The following CDKAL1 variants were observed in gnomAD, a reference collection of about 807,000 sequenced individuals.
The protein encoded by CDKAL1 is CDKAL1 threonylcarbamoyladenosine tRNA methylthiotransferase, also known as threonylcarbamoyladenosine tRNA methylthiotransferase.
CDKAL1 carries 32 observed loss-of-function variants against 68.2 expected under a neutral mutation model. The observed-to-expected ratio is 0.47, with a 90% CI of 0.35 to 0.63. The LOEUF (loss-of-function observed/expected upper bound fraction) is 0.63, where lower values mean the gene tolerates loss of function less well. Ranked by LOEUF, CDKAL1 falls within the 30% of genes least tolerant of loss-of-function variation. CDKAL1 has a pLI of 0.00. For missense variants in CDKAL1, 606 were observed against 696.7 expected, an observed-to-expected ratio of 0.87 and a Z score of 1.47; for synonymous variants, 234 against 244.3, an observed-to-expected ratio of 0.96 and a Z score of 0.39.
At chr6:20,762,737 C>T (rs796106999) in intron 7 of CDKAL1, among the ~76,000 whole-genome samples, 19 of 152,274 alleles carry the variant, frequency 1.2e-4, no homozygotes, top group African/African-American at 4.3e-4. Flanking sequence ...TTACCTCTTA[C>T]TTCCTCCTTA....
rs146507555 is a variant in CDKAL1, at chr6:21,157,534, A to G, written c.1300-40487A>G. Among the ~76,000 whole-genome samples the G allele has an allele frequency of 2.0e-3, 302 of 152,344 alleles. 2 individuals carry two copies. Among genetic ancestry groups the G allele is most frequent in the African/African-American group, 6.9e-3 (288 of 41,566 alleles). ...ATTACAAAGCCATATGCTTGTGTTG[A>G]TATCTTGTTTATTTGTTTTTGTAGT... On this transcript the variant is annotated intron_variant, in intron 13 of 15. Transcript: ENST00000274695.
At chr6:20,574,203 T>C (rs918849717) in intron 4 of CDKAL1, among the ~76,000 whole-genome samples, 2 of 152,172 alleles carry the variant, frequency 1.3e-5, no homozygotes, top group Admixed American at 6.6e-5. Context: ...GTCAGAGACT[T>C]TGCAAATGAT....
chr6:21,062,438 A>G (rs1289190223), intron 11 of CDKAL1, among the ~76,000 whole-genome samples: 1 of 152,224 alleles, frequency 6.6e-6, no homozygotes, highest in Non-Finnish European at 1.5e-5. Flanking sequence ...TATAGCTTAC[A>G]TGTAAAATCA....
intron 9 of CDKAL1, among the ~76,000 whole-genome samples, chr6:20,941,927 T>C (rs1481207070): frequency 1.3e-5 from 2 of 152,260 alleles, no homozygotes; most frequent in African/African-American, 2.4e-5. Flanking sequence ...AATGACATTC[T>C]GCTTTTCCCC....
At chr6:20,826,288 T>C (rs1777499846) in intron 8 of CDKAL1, among the ~76,000 whole-genome samples, 1 of 152,210 alleles carries the variant, frequency 6.6e-6, no homozygotes, top group Non-Finnish European at 1.5e-5. Flanking sequence ...AAAATCTTTT[T>C]GGTTTTTTCC....
chr6:20,818,623 A>G (rs1354221784), intron 8 of CDKAL1, among the ~76,000 whole-genome samples: 4 of 151,896 alleles, frequency 2.6e-5, no homozygotes, highest in African/African-American at 7.2e-5. Flanking sequence ...TTTACAAGGC[A>G]TCATTCATAA....
chr6:21,119,234 A>G (rs1774579920), intron 13 of CDKAL1, among the ~76,000 whole-genome samples: 1 of 152,104 alleles, frequency 6.6e-6, no homozygotes, highest in African/African-American at 2.4e-5. Flanking sequence ...TACTTGCCTT[A>G]GAGGGTTGTC....
At chr6:20,725,661 G>A (rs536048767) in intron 5 of CDKAL1, among the ~76,000 whole-genome samples, 2 of 152,214 alleles carry the variant, frequency 1.3e-5, no homozygotes, top group Non-Finnish European at 2.9e-5. Flanking sequence ...GCACATGCCT[G>A]TAATCCCAGC....
At chr6:20,732,778 C>T (rs913517316) in intron 5 of CDKAL1, among the ~76,000 whole-genome samples, 5 of 152,132 alleles carry the variant, frequency 3.3e-5, no homozygotes, top group Admixed American at 1.3e-4. Context: ...GACTTTTCTC[C>T]ATCGTTTACT....
chr6:20,562,578 A>C (rs1379323419), intron 4 of CDKAL1, among the ~76,000 whole-genome samples: 2 of 151,992 alleles, frequency 1.3e-5, no homozygotes, highest in Non-Finnish European at 2.9e-5. Flanking sequence ...GTCCCTACTG[A>C]AAATACAAAA....
chr6:20,960,905 A>G (rs1217736722), intron 10 of CDKAL1, among the ~76,000 whole-genome samples: 1 of 152,204 alleles, frequency 6.6e-6, no homozygotes, highest in East Asian at 1.9e-4. Flanking sequence ...AAATGAGCTT[A>G]TTGTATGATT....
rs180820387 is a variant in CDKAL1, at chr6:20,872,700, A to G, written c.742+26522A>G. On this transcript the variant is annotated intron_variant, in intron 9 of 15. Transcript: ENST00000274695. ...AAAGAGAACATATTAACAAATCTAC[A>G]TGGTAGGAAGATAATTCAGTTGTAA... 1.9e-4 allele frequency among the ~76,000 whole-genome samples: 15 copies of G among 79,448 alleles called. No homozygotes were observed. The Admixed American group carries it at 2.2e-3, about 12-fold the overall frequency. 52.1% of individuals were successfully genotyped at this position (79,448 alleles called of 152,430 possible).
intron 15 of CDKAL1, among the ~76,000 whole-genome samples, chr6:21,217,124 C>A (rs945313820): frequency 2.0e-5 from 3 of 151,630 alleles, no homozygotes; most frequent in Admixed American, 2.0e-4. Flanking sequence ...TCTCTAATTA[C>A]AAATGAGGTT....
At chr6:20,652,958 T>C (rs567893761) in intron 5 of CDKAL1, among the ~76,000 whole-genome samples, 2 of 152,312 alleles carry the variant, frequency 1.3e-5, no homozygotes, top group African/African-American at 2.4e-5. Context: ...CTTTAAACAG[T>C]GTGTTGTCTT....
At chr6:20,960,320 A>G (rs772868835) in intron 10 of CDKAL1, among the ~76,000 whole-genome samples, 26 of 152,184 alleles carry the variant, frequency 1.7e-4, no homozygotes, top group Admixed American at 2.6e-4. Context: ...CATGGGTTCG[A>G]AAGGTTAGAT....
At chr6:20,885,936 A>G (rs1264408026) in intron 9 of CDKAL1, among the ~76,000 whole-genome samples, 1 of 151,966 alleles carries the variant, frequency 6.6e-6, no homozygotes, top group African/African-American at 2.4e-5. Context: ...TAAAAAAACA[A>G]AAATTACCCA....
In CDKAL1 at chr6:21,231,108, G is replaced by A; in HGVS notation, c.*69G>A. 4 of 1,257,468 alleles carry A rather than the reference G, an allele frequency of 3.2e-6. No individual in the cohort carries two copies. The highest frequency in any genetic ancestry group is 4.4e-6 in the Non-Finnish European group (4 of 899,538). 77.9% of individuals were successfully genotyped at this position (1,257,468 alleles called of 1,614,324 possible). A position where few individuals can be genotyped will look rare whatever the true frequency, so the allele number is the denominator to read the frequency against. ...ATTAAAATCTTCAATGAACAGGAAA[G>A]CGACATCTCCATTCTCCAAGGGCAA... On this transcript the variant is annotated 3_prime_UTR_variant, in exon 16 of 16. Transcript: ENST00000274695.
intron 13 of CDKAL1, among the ~76,000 whole-genome samples, chr6:21,191,159 T>G (rs1778221678): frequency 6.6e-6 from 1 of 152,262 alleles, no homozygotes; most frequent in Non-Finnish European, 1.5e-5. Context: ...TTCACACAAT[T>G]CTGTTTCTCT....
chr6:21,000,281 G>A lies in CDKAL1; in HGVS notation c.964G>A (p.Val322Ile). 2 of 1,613,942 alleles carry A rather than the reference G, an allele frequency of 1.2e-6. No individual in the cohort carries two copies. Among genetic ancestry groups the A allele is most frequent in the South Asian group, 1.1e-5 (1 of 91,066 alleles). ...PRVYAFLHIP[V>I]QSASDSVLME... The stretch of plus-strand genomic sequence containing the variant: ...AGTCTACGCTTTTCTGCACATACCA[G>A]TCCAGTCTGCCTCCGACAGCGTACT... Residue 322 changes from valine to isoleucine, a missense_variant, in exon 11 of 16, where the codon GTC becomes ATC. Physicochemically the swap from Val to Ile is conservative, Grantham distance 29. Transcript: ENST00000274695.
Sources: gnomAD v4.1 joint callset for allele counts (sites outside exome capture counted in the v4.1 genomes callset) on GRCh38, gnomAD v4.1.1 for gene constraint, MANE v1.5 for transcripts, NCBI Gene and HGNC (gene_info 2026-07-23, HGNC 2026-07-21) for gene names.